PPP2R2D: variants seen among roughly 807,000 people sequenced by gnomAD.
The protein encoded by PPP2R2D is serine/threonine-protein phosphatase 2A 55 kDa regulatory subunit B delta isoform.
PPP2R2D carries 9 observed loss-of-function variants against 31.1 expected under a neutral mutation model. The ratio of observed to expected loss-of-function variants is 0.29; its 90% CI spans 0.17 to 0.51. PPP2R2D has a LOEUF of 0.51. Among genes scored for constraint, PPP2R2D ranks in the 20% least tolerant of loss-of-function variants. The pLI is 0.98. For synonymous variants in PPP2R2D, 179 were observed against 172.6 expected, an observed-to-expected ratio of 1.04 and a Z score of -0.29; for missense variants, 391 against 465.6, an observed-to-expected ratio of 0.84 and a Z score of 1.48.
chr10:131,943,370 G>C (rs1009472741), intron 5 of PPP2R2D, among the ~76,000 whole-genome samples: 1 of 152,158 alleles, frequency 6.6e-6, no homozygotes, highest in Non-Finnish European at 1.5e-5. Context: ...CTCCAGATAA[G>C]ACATCTGCCC....
chr10:131,970,649 G>A, the PPP2R2D span: 7 of 1,614,096 alleles, frequency 4.3e-6, no homozygotes, highest in Non-Finnish European at 5.1e-6. The surrounding 1 kb of genome is among the most constrained non-coding windows in gnomAD (Gnocchi z 4.1). Context: ...CCAATCCGAT[G>A]GCCAGCAAAT....
chr10:131,905,682 A>T (rs1440530592), intron 2 of PPP2R2D, among the ~76,000 whole-genome samples: 5 of 152,356 alleles, frequency 3.3e-5, no homozygotes, highest in East Asian at 1.9e-4. Context: ...TCCCAGTCTC[A>T]GATGCAGAAT....
intron 2 of PPP2R2D, among the ~76,000 whole-genome samples, chr10:131,922,458 T>G (rs995600791): frequency 2.6e-5 from 4 of 151,484 alleles, no homozygotes; most frequent in Non-Finnish European, 4.4e-5. Context: ...TCAATTGTTT[T>G]TTTTTTTTTT....
At chr10:131,901,920 C>T (rs984229942) in intron 2 of PPP2R2D, among the ~76,000 whole-genome samples, 2 of 152,248 alleles carry the variant, frequency 1.3e-5, no homozygotes, top group African/African-American at 4.8e-5. Flanking sequence ...GCTACTTTCT[C>T]TACTGATATA....
chr10:131,943,484 C>T (rs2036477281), intron 5 of PPP2R2D, among the ~76,000 whole-genome samples: 1 of 152,216 alleles, frequency 6.6e-6, no homozygotes, highest in Non-Finnish European at 1.5e-5. Flanking sequence ...CCCTGCTGTG[C>T]ACCCTGCCAG....
Position 131,947,567 on chromosome 10 carries a change from C to G in PPP2R2D, c.858C>G (p.Phe286Leu). 6.2e-7 allele frequency: 1 copy of G among 1,614,170 alleles called. No individual in the cohort carries two copies. Among genetic ancestry groups the G allele is most frequent in the Non-Finnish European group, 8.5e-7 (1 of 1,180,026 alleles). Residue 286 changes from phenylalanine (F) to leucine (L), a missense_variant, in exon 8 of 9, where the codon TTC (phenylalanine) becomes TTG (leucine). Coordinates refer to ENST00000455566, the MANE Select transcript of PPP2R2D (RefSeq NM_018461.5). This position sits in a 1 kb window ranked among gnomAD's most constrained non-coding sequence, Gnocchi z 4.3. ...EEPEDPSSRS[F>L]FSEIISSISD... ...CTGAAGATCCCAGCAGTAGGTCCTTCTTCTCAGAAATAATTTCATCCATAT... is the reference window on the plus strand; with the variant it reads ...CTGAAGATCCCAGCAGTAGGTCCTTGTTCTCAGAAATAATTTCATCCATAT...
chr10:131,957,362 T>A lies in PPP2R2D; in HGVS notation c.*1399T>A. ...AGGTGTGTGCTGATCCCCTGTGCCC[T>A]GTGGAGATGGAGGTGTGTGCTGCTC... On this transcript the variant is annotated 3_prime_UTR_variant, in exon 9 of 9. Coordinates refer to ENST00000455566, the MANE Select transcript of PPP2R2D (RefSeq NM_018461.5). 1 of 203,746 alleles carries A rather than the reference T, an allele frequency of 4.9e-6. No homozygotes were observed. The highest frequency in any genetic ancestry group is 6.0e-5 in the South Asian group (1 of 16,766). 12.6% of individuals were successfully genotyped at this position (203,746 alleles called of 1,614,324 possible). A position where few individuals can be genotyped will look rare whatever the true frequency, so the allele number is the denominator to read the frequency against.
intron 2 of PPP2R2D, among the ~76,000 whole-genome samples, chr10:131,923,721 A>G (rs1393371044): frequency 2.0e-5 from 3 of 152,088 alleles, no homozygotes; most frequent in African/African-American, 7.2e-5. Flanking sequence ...ACATTTATAT[A>G]TATATATTTT....
chr10:131,935,847 T>C (rs1041456851), intron 3 of PPP2R2D, among the ~76,000 whole-genome samples: 4 of 152,106 alleles, frequency 2.6e-5, no homozygotes, highest in Non-Finnish European at 5.9e-5. Flanking sequence ...GCTGATCACC[T>C]GAGGTCGGAA....
At chr10:131,911,600 A>C (rs909209361) in intron 2 of PPP2R2D, 1 of 152,168 alleles carries the variant, frequency 6.6e-6, no homozygotes, top group Non-Finnish European at 1.5e-5. Context: ...GCCACAGATC[A>C]TGCTGAGCCG....
chr10:131,911,375 C>T (rs1446140478), intron 2 of PPP2R2D, among the ~76,000 whole-genome samples: 1 of 152,242 alleles, frequency 6.6e-6, no homozygotes, highest in Middle Eastern at 3.2e-3. Context: ...TCAACCCCAA[C>T]AACTGTACCG....
intron 2 of PPP2R2D, among the ~76,000 whole-genome samples, chr10:131,904,920 G>A (rs1308648279): frequency 2.6e-5 from 4 of 152,016 alleles, no homozygotes; most frequent in African/African-American, 9.7e-5. Flanking sequence ...GTTTTGGGCT[G>A]GGGAATCAGA....
intron 2 of PPP2R2D, among the ~76,000 whole-genome samples, chr10:131,932,664 AAAAAC>A (rs1347494243): frequency 1.2e-4 from 18 of 144,738 alleles, no homozygotes; most frequent in Middle Eastern, 7.0e-3. Context: ...AAAAAAAAAA[AAAAAC>A]ACACAAAAAA....
intron 2 of PPP2R2D, among the ~76,000 whole-genome samples, chr10:131,909,877 T>C (rs1206801655): frequency 6.6e-6 from 1 of 152,264 alleles, no homozygotes; most frequent in Non-Finnish European, 1.5e-5. Context: ...AACATAACCT[T>C]TTTAATGAGA....
At chr10:131,918,761 ACAC>A (rs2035887656) in intron 2 of PPP2R2D, among the ~76,000 whole-genome samples, 1 of 142,998 alleles carries the variant, frequency 7.0e-6, no homozygotes, top group Non-Finnish European at 1.5e-5. Flanking sequence ...TAGGGACCTC[ACAC>A]GGGTGGAATG....
downstream of PPP2R2D, among the ~76,000 whole-genome samples, chr10:131,962,120 A>G (rs989167232): frequency 5.3e-5 from 8 of 152,162 alleles, no homozygotes; most frequent in African/African-American, 1.9e-4. Context: ...TTTTTAGTGT[A>G]TTTCTTAATA....
chr10:131,921,882 G>A (rs1564814224), intron 2 of PPP2R2D, among the ~76,000 whole-genome samples: 1 of 152,168 alleles, frequency 6.6e-6, no homozygotes, highest in Non-Finnish European at 1.5e-5. Context: ...ATGAAATTGA[G>A]CATAAAATTG....
intron 8 of PPP2R2D, among the ~76,000 whole-genome samples, chr10:131,948,911 C>A (rs113134765): frequency 3.3e-5 from 5 of 152,216 alleles, no homozygotes; most frequent in African/African-American, 1.2e-4. Flanking sequence ...TGTCTGAGGC[C>A]TTGCATGGGG....
At position 131,944,044 on chromosome 10, in the gene PPP2R2D, A is replaced by T. The variant is rs782390619; in HGVS notation, c.554A>T (p.His185Leu). The change falls in exon 6 of 9, where the codon CAT (histidine) becomes CTT (leucine). Residue 185 changes from histidine (H) to leucine (L), a missense_variant. This residue lies in a region of PPP2R2D where 123 missense variants were observed against 187.7 expected (regional missense o/e 0.66). Transcript: ENST00000455566. ...RRIFANAHTY[H>L]INSISVNSDH... ...ATTTTTGCAAATGCTCACACATATCATATAAATTCCATTTCAGTAAATAGT... is the reference window on the plus strand; with the variant it reads ...ATTTTTGCAAATGCTCACACATATCTTATAAATTCCATTTCAGTAAATAGT... 6 of 1,583,592 alleles carry T rather than the reference A, an allele frequency of 3.8e-6. No individual in the cohort carries two copies. The South Asian group carries it at 6.6e-5, about 18-fold the overall frequency.
Sources: allele counts gnomAD v4.1 joint callset (sites outside exome capture counted in the v4.1 genomes callset), GRCh38; gene constraint gnomAD v4.1.1; regional missense constraint gnomAD v4.1.1; non-coding constraint Gnocchi (gnomAD v3.1); transcripts MANE v1.5; gene names NCBI Gene and HGNC (gene_info 2026-07-23, HGNC 2026-07-21).